ADORA2B: variants seen among roughly 807,000 people sequenced by gnomAD.
ADORA2B encodes the protein adenosine receptor A2b.
Under a neutral mutation model 20.8 loss-of-function variants are expected in ADORA2B, and 18 were observed. That is an observed-to-expected ratio of 0.87 (90% CI 0.60 to 1.29). The LOEUF (loss-of-function observed/expected upper bound fraction) is 1.29. Among genes scored for constraint, ADORA2B ranks in the 50% most tolerant of loss-of-function variants. The pLI is 0.00. For missense variants in ADORA2B, 441 were observed against 422.7 expected, an observed-to-expected ratio of 1.04 and a Z score of -0.38; for synonymous variants, 179 against 178.3, an observed-to-expected ratio of 1.00 and a Z score of -0.03.
the ADORA2B span, among the ~76,000 whole-genome samples, chr17:15,928,016 T>G: frequency 1.3e-5 from 2 of 152,144 alleles, no homozygotes; most frequent in Admixed American, 1.3e-4. Flanking sequence ...GAGATGGGGT[T>G]TCACGGTGGT....
At chr17:15,874,996 G>A in the ADORA2B span, among the ~76,000 whole-genome samples, 68,999 of 151,066 alleles carry the variant, frequency 0.46, 17,625 homozygotes, top group African/African-American at 0.7. Context: ...TCTTCATTGT[G>A]GATGAAAGTG....
the ADORA2B span, among the ~76,000 whole-genome samples, chr17:15,933,789 T>A: frequency 0.17 from 26,126 of 151,816 alleles, 2,385 homozygotes; most frequent in Non-Finnish European, 0.2. Flanking sequence ...TATATATATA[T>A]AGAGAGAGAG....
chr17:15,896,091 G>C, the ADORA2B span, among the ~76,000 whole-genome samples: 1 of 152,148 alleles, frequency 6.6e-6, no homozygotes, highest in African/African-American at 2.4e-5. Context: ...GGCCAGAAGA[G>C]GTTTGGAGTC....
the ADORA2B span, among the ~76,000 whole-genome samples, chr17:15,860,627 T>C: frequency 6.6e-6 from 1 of 152,212 alleles, no homozygotes; most frequent in Admixed American, 6.5e-5. Context: ...AGGGTTGATT[T>C]GCATATAGAT....
chr17:15,953,152 G>A (rs1969926607), intron 1 of ADORA2B, among the ~76,000 whole-genome samples: 1 of 152,180 alleles, frequency 6.6e-6, no homozygotes, highest in South Asian at 2.1e-4. Context: ...TCCTGAGCTG[G>A]CCTGGCACCT....
At chr17:15,853,866 T>C in the ADORA2B span, among the ~76,000 whole-genome samples, 82 of 151,948 alleles carry the variant, frequency 5.4e-4, no homozygotes, top group Non-Finnish European at 1.0e-3. Context: ...GACAGGAAAA[T>C]TAAAAGGTCA....
chr17:15,904,656 G>A, the ADORA2B span, among the ~76,000 whole-genome samples: 6 of 152,186 alleles, frequency 3.9e-5, no homozygotes, highest in South Asian at 8.3e-4. Context: ...GATTACAGGC[G>A]TGAGCCACCG....
chr17:15,867,904 A>G, the ADORA2B span, among the ~76,000 whole-genome samples: 1 of 152,234 alleles, frequency 6.6e-6, no homozygotes, highest in East Asian at 1.9e-4. Flanking sequence ...GGTCATGATG[A>G]CAATGGCGGT....
chr17:15,890,622 G>A, the ADORA2B span, among the ~76,000 whole-genome samples: 1 of 152,002 alleles, frequency 6.6e-6, no homozygotes, highest in Non-Finnish European at 1.5e-5. Flanking sequence ...CTCATCTCTA[G>A]GAAACAAGCA....
the ADORA2B span, among the ~76,000 whole-genome samples, chr17:15,935,734 T>C: frequency 7.9e-5 from 12 of 152,138 alleles, no homozygotes; most frequent in Non-Finnish European, 1.3e-4. Context: ...ATTTTTCTTT[T>C]ATCTTTTTTC....
chr17:15,925,315 C>T, the ADORA2B span, among the ~76,000 whole-genome samples: 1 of 152,098 alleles, frequency 6.6e-6, no homozygotes, highest in Non-Finnish European at 1.5e-5. Flanking sequence ...GAATTACAGG[C>T]GTGAGCCACC....
chr17:15,943,358 T>C (rs988274875), upstream of ADORA2B, among the ~76,000 whole-genome samples: 3 of 152,132 alleles, frequency 2.0e-5, no homozygotes, highest in African/African-American at 7.2e-5. Flanking sequence ...GGTCTCCCTC[T>C]TTTGCCCAGC....
intron 1 of ADORA2B, among the ~76,000 whole-genome samples, chr17:15,956,934 T>G (rs1969973663): frequency 1.3e-5 from 2 of 152,056 alleles, no homozygotes; most frequent in African/African-American, 4.8e-5. Context: ...TGTGATTTTG[T>G]GAGGAGTGAT....
chr17:15,858,244 T>G, the ADORA2B span, among the ~76,000 whole-genome samples: 11 of 152,262 alleles, frequency 7.2e-5, no homozygotes, highest in Admixed American at 6.5e-4. Context: ...AGGGTTTCTC[T>G]GCCTCCTCAC....
chr17:15,915,191 C>A, the ADORA2B span, among the ~76,000 whole-genome samples: 62 of 152,300 alleles, frequency 4.1e-4, no homozygotes, highest in African/African-American at 1.4e-3. Context: ...TAGCTTGTGG[C>A]CCCTTCCTGC....
At chr17:15,899,058 T>C in the ADORA2B span, among the ~76,000 whole-genome samples, 1 of 151,862 alleles carries the variant, frequency 6.6e-6, no homozygotes, top group Non-Finnish European at 1.5e-5. Flanking sequence ...GGTGAAACTG[T>C]GTCTCTACTA....
the ADORA2B span, among the ~76,000 whole-genome samples, chr17:15,901,471 G>GA: frequency 4.3e-3 from 529 of 123,922 alleles, no homozygotes; most frequent in African/African-American, 0.011. Flanking sequence ...TCTCAAAAGA[G>GA]AAAAAAAAAA....
chr17:15,855,010 A>G, the ADORA2B span, among the ~76,000 whole-genome samples: 8 of 151,606 alleles, frequency 5.3e-5, no homozygotes, highest in East Asian at 1.9e-4. Flanking sequence ...GCCCACTGCA[A>G]CCTCCACCTC....
At chr17:15,924,726 C>T in the ADORA2B span, among the ~76,000 whole-genome samples, 1 of 144,898 alleles carries the variant, frequency 6.9e-6, no homozygotes, top group Non-Finnish European at 1.5e-5. Flanking sequence ...GGCGACAGAG[C>T]GAGACTCCAT....
Sources: gnomAD v4.1 joint callset for allele counts (sites outside exome capture counted in the v4.1 genomes callset) on GRCh38, gnomAD v4.1.1 for gene constraint, MANE v1.5 for transcripts, NCBI Gene and HGNC (gene_info 2026-07-23, HGNC 2026-07-21) for gene names.